LSM14A: variants seen among roughly 807,000 people sequenced by gnomAD.
LSM14A encodes the protein LSM14A mRNA processing body assembly factor, also known as protein LSM14 homolog A.
In LSM14A, 14 loss-of-function variants were observed where a neutral mutation model predicts 52.4. The ratio of observed to expected loss-of-function variants is 0.27; its 90% CI spans 0.18 to 0.42. The LOEUF (loss-of-function observed/expected upper bound fraction) is 0.42, where lower values mean the gene tolerates loss of function less well. Among genes scored for constraint, LSM14A ranks in the 10% least tolerant of loss-of-function variants. The pLI is 1.00. For missense variants in LSM14A, 417 were observed against 581.8 expected (o/e 0.72, Z 2.91); for synonymous variants, 185 against 200.3 (o/e 0.92, Z 0.64).
intron 3 of LSM14A, among the ~76,000 whole-genome samples, chr19:34,203,361 G>A (rs996951604): frequency 1.3e-5 from 2 of 152,210 alleles, no homozygotes; most frequent in Non-Finnish European, 2.9e-5. Flanking sequence ...CCATATTGGA[G>A]GATGGTTCTC....
intron 9 of LSM14A, among the ~76,000 whole-genome samples, chr19:34,226,021 C>A (rs995327954): frequency 1.3e-5 from 2 of 151,492 alleles, no homozygotes; most frequent in Non-Finnish European, 2.9e-5. Context: ...ATGATCGCAC[C>A]ACTGCACTCC....
chr19:34,209,374 T>C (rs1459941570), intron 4 of LSM14A, among the ~76,000 whole-genome samples: 2 of 152,226 alleles, frequency 1.3e-5, no homozygotes. Flanking sequence ...AAAGTTGAGC[T>C]ATCCAAGATG....
chr19:34,221,748 A>G lies in LSM14A; in HGVS notation c.1368+10A>G, dbSNP rs1473118820. 2 of 1,594,504 alleles carry G rather than the reference A, an allele frequency of 1.3e-6. No homozygotes were observed. Among genetic ancestry groups the G allele is most frequent in the African/African-American group, 1.3e-5 (1 of 74,488 alleles). On this transcript the variant is annotated intron_variant, in intron 9 of 9. Transcript: ENST00000544216. Reference sequence around the variant, plus strand: ...GGATTTTGAATATAGGGTAAGTGTTACTGTTAATAAATTCTTTGGGGTTGA... The same window carrying G: ...GGATTTTGAATATAGGGTAAGTGTTGCTGTTAATAAATTCTTTGGGGTTGA...
chr19:34,202,069 C>A (rs2071330710), intron 3 of LSM14A, among the ~76,000 whole-genome samples: 1 of 150,522 alleles, frequency 6.6e-6, no homozygotes, highest in South Asian at 2.1e-4. Flanking sequence ...CTGCCTGCCT[C>A]CGCCTCCCAA....
Position 34,228,514 on chromosome 19 carries a change from T to A in LSM14A, c.*1126T>A, listed in dbSNP as rs773659631. 1 of 152,560 alleles carries A rather than the reference T, an allele frequency of 6.6e-6. No individual in the cohort carries two copies. Among genetic ancestry groups the A allele is most frequent in the African/African-American group, 2.4e-5 (1 of 41,404 alleles). 9.5% of individuals were successfully genotyped at this position (152,560 alleles called of 1,614,324 possible). A position where few individuals can be genotyped will look rare whatever the true frequency, so the allele number is the denominator to read the frequency against. On this transcript the variant is annotated 3_prime_UTR_variant, in exon 10 of 10. Transcript: ENST00000544216. ...CATCATATTTCAAGAGGATTCAGAG[T>A]GCTAGAAATTATTTTGGTAGCCTGT...
At chr19:34,200,592 T>TAA (rs1484435019) in intron 3 of LSM14A, among the ~76,000 whole-genome samples, 1 of 152,196 alleles carries the variant, frequency 6.6e-6, no homozygotes, top group Non-Finnish European at 1.5e-5. Context: ...GGTTAGATGT[T>TAA]AACAGTTGAT....
chr19:34,192,775 G>A (rs888027702), intron 1 of LSM14A, among the ~76,000 whole-genome samples: 4 of 150,272 alleles, frequency 2.7e-5, no homozygotes, highest in Admixed American at 6.7e-5. Context: ...AGGAGTTCTA[G>A]ACCAGTCTGG....
rs570213838 is a variant in LSM14A at position 34,203,412 on chromosome 19, T to C, written c.416-5517T>C. Reference sequence around the variant, plus strand: ...TTTGTAGAGACTAATTTTTAATCACTGAGTGATGAAGCCTTGAAGAGATGC... The same window carrying C: ...TTTGTAGAGACTAATTTTTAATCACCGAGTGATGAAGCCTTGAAGAGATGC... On this transcript the variant is annotated intron_variant, in intron 3 of 9. Transcript: ENST00000544216. Among the ~76,000 whole-genome samples the C allele has an allele frequency of 3.9e-5, 6 of 152,348 alleles. No homozygotes were observed. In the East Asian group the frequency reaches 1.2e-3, roughly 29 times the overall value.
At chr19:34,215,360 A>G in intron 5 of LSM14A, 60 bp downstream of exon 5, 2 of 1,434,032 alleles carry the variant, frequency 1.4e-6, no homozygotes, top group Middle Eastern at 1.8e-4. Context: ...CACTCACTTT[A>G]TTTTCATTAG....
chr19:34,203,999 G>A (rs1220655319), intron 3 of LSM14A, among the ~76,000 whole-genome samples: 1 of 151,188 alleles, frequency 6.6e-6, no homozygotes, highest in Non-Finnish European at 1.5e-5. Flanking sequence ...CATACAAACA[G>A]CAATAACAAG....
At chr19:34,172,933 C>T (rs2068807001) in intron 1 of LSM14A, among the ~76,000 whole-genome samples, 170 bp downstream of exon 1, 1 of 152,156 alleles carries the variant, frequency 6.6e-6, no homozygotes, top group South Asian at 2.1e-4. Context: ...GCGGCCTCCC[C>T]GCGGCTCCCT....
At chr19:34,194,376 C>G in intron 1 of LSM14A, 102 bp from the exon 2 acceptor site, 1 of 1,075,292 alleles carries the variant, frequency 9.3e-7, no homozygotes, top group Non-Finnish European at 1.4e-6. Context: ...TCAGACATTT[C>G]AGAACTACTG....
At chr19:34,215,525 A>G in intron 5 of LSM14A, 71 bp from the exon 6 acceptor site, 1 of 1,332,396 alleles carries the variant, frequency 7.5e-7, no homozygotes, top group South Asian at 1.2e-5. Flanking sequence ...GTTTGTTTGC[A>G]TTTCTAACTA....
intron 9 of LSM14A, among the ~76,000 whole-genome samples, chr19:34,223,551 G>A (rs1182124710): frequency 6.6e-6 from 1 of 152,178 alleles, no homozygotes; most frequent in Non-Finnish European, 1.5e-5. Context: ...TTGGCTCATG[G>A]TATACTGCCC....
In LSM14A at chr19:34,215,600, A is replaced by G; in HGVS notation, c.720A>G (p.Glu240=). 1 of 1,612,310 alleles carries G rather than the reference A, an allele frequency of 6.2e-7. No homozygotes were observed. The highest frequency in any genetic ancestry group is 1.3e-5 in the African/African-American group (1 of 75,008). ...TTTGCATGTCTTCTTCTGTAGCTGA[A>G]GTACACAAAGTTTCAAGGCCAGAAA... The part of the protein sequence containing the change: ...AGENQEHRRA[E]VHKVSRPENE... The change falls in exon 6 of 10, where the codon GAA becomes GAG. Residue 240 remains glutamate (E), a synonymous_variant. Coordinates refer to ENST00000544216, the MANE Select transcript of LSM14A (RefSeq NM_015578.4).
chr19:34,191,056 AAC>A (rs1263670265), intron 1 of LSM14A, among the ~76,000 whole-genome samples: 1 of 152,038 alleles, frequency 6.6e-6, no homozygotes, highest in Non-Finnish European at 1.5e-5. Context: ...TCTTCTCTCT[AAC>A]CTTTTTAATG....
At chr19:34,182,841 C>A (rs377079208) in intron 1 of LSM14A, among the ~76,000 whole-genome samples, 133 of 122,324 alleles carry the variant, frequency 1.1e-3, no homozygotes, top group Admixed American at 1.2e-3. Flanking sequence ...GACTCCATCT[C>A]AAAAAAAAAA....
chr19:34,191,415 G>A lies in LSM14A; in HGVS notation c.122-3063G>A, dbSNP rs115947339. ...GGAAAAAAAAACAAAATAAGTAAATGAAGACCGTGTCCTCTTTGATTCTTC... is the reference window on the plus strand; with the variant it reads ...GGAAAAAAAAACAAAATAAGTAAATAAAGACCGTGTCCTCTTTGATTCTTC... On this transcript the variant is annotated intron_variant, in intron 1 of 9. Transcript: ENST00000544216. Among the ~76,000 whole-genome samples, 632 of 151,980 alleles carry A rather than the reference G, an allele frequency of 4.2e-3. 6 individuals carry two copies. Among genetic ancestry groups the A allele is most frequent in the African/African-American group, 0.014 (598 of 41,500 alleles).
rs1226936508 is a variant in LSM14A at position 34,229,208 on chromosome 19, G to A, written c.*1820G>A. 1 of 152,182 alleles carries A rather than the reference G, an allele frequency of 6.6e-6. No individual in the cohort carries two copies. The highest frequency in any genetic ancestry group is 1.5e-5 in the Non-Finnish European group (1 of 68,036). 9.4% of individuals were successfully genotyped at this position (152,182 alleles called of 1,614,324 possible). A position where few individuals can be genotyped will look rare whatever the true frequency, so the allele number is the denominator to read the frequency against. On this transcript the variant is annotated 3_prime_UTR_variant, in exon 10 of 10. Transcript: ENST00000544216. ...TTTTGTGCCCCAGCAATAACTGGCA[G>A]CATGGCATACCTGCAGTACCCCTTA...
Sources: gnomAD v4.1 joint callset for allele counts (sites outside exome capture counted in the v4.1 genomes callset) on GRCh38, gnomAD v4.1.1 for gene constraint, MANE v1.5 for transcripts, NCBI Gene and HGNC (gene_info 2026-07-23, HGNC 2026-07-21) for gene names.